Variants in PCDHGA5 observed in about 807,000 individuals in gnomAD.
PCDHGA5 encodes the protein protocadherin gamma subfamily A, 5.
PCDHGA5 carries 36 observed loss-of-function variants against 56.7 expected under a neutral mutation model. The observed-to-expected ratio is 0.64, with a 90% CI of 0.49 to 0.84. The LOEUF is 0.84. Ranked by LOEUF, PCDHGA5 falls within the 40% of genes least tolerant of loss-of-function variation. The probability of loss-of-function intolerance (pLI) is 0.00; values close to 1 mark genes in which losing one functional copy is unlikely to be tolerated. For synonymous variants in PCDHGA5, 563 were observed against 520.2 expected, an observed-to-expected ratio of 1.08 and a Z score of -1.12; for missense variants, 1,305 against 1,201.5, an observed-to-expected ratio of 1.09 and a Z score of -1.27.
intron 1 of PCDHGA5, among the ~76,000 whole-genome samples, chr5:141,480,768 A>G (rs1371582817): frequency 6.6e-6 from 1 of 152,162 alleles, no homozygotes; most frequent in African/African-American, 2.4e-5. Flanking sequence ...TCCCCACTTG[A>G]TCCTAATGTG....
chr5:141,420,187 CA>C (rs779974762), intron 1 of PCDHGA5: 25 of 1,613,706 alleles, frequency 1.5e-5, no homozygotes, highest in Non-Finnish European at 2.1e-5. Flanking sequence ...ATTGTCCAGC[CA>C]CACAAGATAA....
chr5:141,482,740 G>A (rs1288861437), intron 1 of PCDHGA5, among the ~76,000 whole-genome samples: 1 of 127,398 alleles, frequency 7.8e-6, no homozygotes, highest in African/African-American at 3.6e-5. Context: ...GAAATTCCAT[G>A]CAGAGGGATT....
At chr5:141,409,047 G>T in intron 1 of PCDHGA5, 2 of 1,613,982 alleles carry the variant, frequency 1.2e-6, no homozygotes, top group Admixed American at 1.7e-5. Flanking sequence ...TACTACTTCC[G>T]AAGCACTGCC....
intron 1 of PCDHGA5, chr5:141,389,263 C>G (rs1285877712): frequency 6.2e-7 from 1 of 1,614,028 alleles, no homozygotes; most frequent in Admixed American, 1.7e-5. Flanking sequence ...GTCCACGTGG[C>G]CGAGAACAAC....
At chr5:141,413,230 C>A in intron 1 of PCDHGA5, 1 of 1,613,942 alleles carries the variant, frequency 6.2e-7, no homozygotes. Context: ...CGGGCTGGTC[C>A]TGCTCTGCCT....
chr5:141,431,354 G>C lies in PCDHGA5; in HGVS notation c.2422-63453G>C. 6.2e-7 allele frequency: 1 copy of C among 1,614,036 alleles called. No individual in the cohort carries two copies. Among genetic ancestry groups the C allele is most frequent in the Non-Finnish European group, 8.5e-7 (1 of 1,180,038 alleles). ...GTACCCCGAATTGGTGCTGAAACGC[G>C]CCCTGGACCGCGAAGAAAAGGCTGC... On this transcript the variant is annotated intron_variant, in intron 1 of 3. Transcript: ENST00000518069. This position sits in a 1 kb window ranked among gnomAD's most constrained non-coding sequence, Gnocchi z 4.8.
intron 1 of PCDHGA5, chr5:141,408,760 C>T: frequency 6.2e-7 from 1 of 1,610,404 alleles, no homozygotes. Flanking sequence ...GAGTTAATTC[C>T]GATGGTGGCA....
chr5:141,404,995 T>G (rs1561697585), intron 1 of PCDHGA5: 1 of 1,614,008 alleles, frequency 6.2e-7, no homozygotes, highest in Non-Finnish European at 8.5e-7. Flanking sequence ...TTCAGATCCC[T>G]GCAGACCTGG....
intron 1 of PCDHGA5, chr5:141,424,442 T>C (rs2096821583): frequency 6.6e-6 from 1 of 152,244 alleles, no homozygotes; most frequent in South Asian, 2.1e-4. Context: ...AATTGAATTA[T>C]TGAACTGGTA....
At chr5:141,453,001 G>C (rs1225973632) in intron 1 of PCDHGA5, among the ~76,000 whole-genome samples, 3 of 152,168 alleles carry the variant, frequency 2.0e-5, no homozygotes, top group African/African-American at 7.2e-5. Flanking sequence ...AAAGTTACCT[G>C]TAGTATAGTT....
At chr5:141,482,936 G>T (rs2099574800) in intron 1 of PCDHGA5, among the ~76,000 whole-genome samples, 1 of 152,050 alleles carries the variant, frequency 6.6e-6, no homozygotes, top group Admixed American at 6.5e-5. Context: ...AGCCAGGTGT[G>T]GTTGTGGGTG....
chr5:141,384,094 G>C (rs1223052119), intron 1 of PCDHGA5: 4 of 1,596,266 alleles, frequency 2.5e-6, no homozygotes, highest in Non-Finnish European at 3.4e-6. Flanking sequence ...AAAATCAATA[G>C]ATAATTATTA....
chr5:141,464,572 A>G (rs912710973), intron 1 of PCDHGA5, among the ~76,000 whole-genome samples: 5 of 152,148 alleles, frequency 3.3e-5, no homozygotes, highest in African/African-American at 1.2e-4. Flanking sequence ...CTACAAATAG[A>G]TGAGAATGTC....
chr5:141,366,307 G>C lies in PCDHGA5; in HGVS notation c.1977G>C (p.Thr659=), dbSNP rs539472764. Residue 659 remains threonine, a synonymous_variant, in exon 1 of 4, where the codon ACG becomes ACC. Transcript: ENST00000518069. Reference sequence around the variant, plus strand: ...AGCCCCCTCTGTCAGCCACCTTCACGGTCACCGTTGCCGTGGCCGACAGGA... The same window carrying C: ...AGCCCCCTCTGTCAGCCACCTTCACCGTCACCGTTGCCGTGGCCGACAGGA... ...HGQPPLSATF[T]VTVAVADRIP... is the part of the protein sequence containing the mutation. The C allele has an allele frequency of 7.4e-6, 12 of 1,613,630 alleles. No individual in the cohort carries two copies. In the East Asian group the frequency reaches 2.2e-4, roughly 30 times the overall value.
chr5:141,431,502 G>A lies in PCDHGA5; in HGVS notation c.2422-63305G>A, dbSNP rs749812839. ...CCAGCGTTTGCTCAGCCCGAGTACC[G>A]CGCGAGCGTTCCGGAGAATCTGGCC... On this transcript the variant is annotated intron_variant, in intron 1 of 3. Coordinates refer to ENST00000518069, the MANE Select transcript of PCDHGA5 (RefSeq NM_018918.3). This position sits in a 1 kb window ranked among gnomAD's most constrained non-coding sequence, Gnocchi z 4.8. 6 of 1,614,008 alleles carry A rather than the reference G, an allele frequency of 3.7e-6. No homozygotes were observed. In the East Asian group the frequency reaches 6.7e-5, roughly 18 times the overall value.
Position 141,432,331 on chromosome 5 carries a change from G to A in PCDHGA5, c.2422-62476G>A, listed in dbSNP as rs763952193. Reference sequence around the variant, plus strand: ...CGCTGAGCTCCTTCGACTACGAGCAGTTCCGAGACTTGCAAGTGAAAGTGA... The same window carrying A: ...CGCTGAGCTCCTTCGACTACGAGCAATTCCGAGACTTGCAAGTGAAAGTGA... On this transcript the variant is annotated intron_variant, in intron 1 of 3. Transcript: ENST00000518069. The surrounding 1 kb of genome is among the most constrained non-coding windows in gnomAD (Gnocchi z 6.0). The A allele has an allele frequency of 1.2e-6, 2 of 1,614,278 alleles. No individual in the cohort carries two copies. Among genetic ancestry groups the A allele is most frequent in the East Asian group, 2.2e-5 (1 of 44,888 alleles).
intron 1 of PCDHGA5, chr5:141,419,707 C>T (rs781629810): frequency 4.6e-5 from 74 of 1,613,062 alleles, no homozygotes; most frequent in Middle Eastern, 1.7e-4. Flanking sequence ...AGCCCGGGCT[C>T]TTCAGCCTGG....
At chr5:141,413,417 T>C in intron 1 of PCDHGA5, 18 of 1,614,086 alleles carry the variant, frequency 1.1e-5, no homozygotes, top group Non-Finnish European at 1.5e-5. Context: ...CTTTTCTCTC[T>C]GAACCCGCGC....
intron 1 of PCDHGA5, chr5:141,478,344 A>G: frequency 6.2e-7 from 1 of 1,613,882 alleles, no homozygotes; most frequent in Non-Finnish European, 8.5e-7. Context: ...CCCTCCTTGC[A>G]CGCGGACGCC....
Sources: allele counts gnomAD v4.1 joint callset (sites outside exome capture counted in the v4.1 genomes callset), GRCh38; gene constraint gnomAD v4.1.1; non-coding constraint Gnocchi (gnomAD v3.1); transcripts MANE v1.5; gene names NCBI Gene and HGNC (gene_info 2026-07-23, HGNC 2026-07-21).